PTPN3: variants seen among roughly 807,000 people sequenced by gnomAD.
PTPN3 encodes protein tyrosine phosphatase non-receptor type 3.
Under a neutral mutation model 132.7 loss-of-function variants are expected in PTPN3, and 96 were observed. The observed-to-expected ratio is 0.72, with a 90% CI of 0.61 to 0.86. The LOEUF (loss-of-function observed/expected upper bound fraction) is 0.86, where lower values mean the gene tolerates loss of function less well. Ranked by LOEUF, PTPN3 falls within the 40% of genes least tolerant of loss-of-function variation. The pLI, the probability that PTPN3 is intolerant of heterozygous loss-of-function variation, is 0.00. For synonymous variants in PTPN3, 398 were observed against 429.0 expected (o/e 0.93, Z 0.89); for missense variants, 1,125 against 1,159.6 (o/e 0.97, Z 0.43).
intron 1 of PTPN3, among the ~76,000 whole-genome samples, chr9:109,477,937 C>G (rs1372206618): frequency 6.6e-6 from 1 of 152,216 alleles, no homozygotes; most frequent in East Asian, 1.9e-4. Flanking sequence ...TGCACTGGCT[C>G]TGAGCCAAGG....
chr9:109,473,152 T>C (rs988936465), intron 1 of PTPN3, among the ~76,000 whole-genome samples: 2 of 152,232 alleles, frequency 1.3e-5, no homozygotes, highest in Non-Finnish European at 2.9e-5. Flanking sequence ...GTCACTTTAA[T>C]AATACAGCAC....
chr9:109,519,517 T>C, the PTPN3 span, among the ~76,000 whole-genome samples: 1 of 152,320 alleles, frequency 6.6e-6, no homozygotes, highest in East Asian at 1.9e-4. Flanking sequence ...CTTATCAGCC[T>C]TGTTTGAAGA....
intron 1 of PTPN3, among the ~76,000 whole-genome samples, chr9:109,488,449 A>G (rs927016096): frequency 2.6e-5 from 4 of 152,076 alleles, no homozygotes; most frequent in Non-Finnish European, 5.9e-5. Flanking sequence ...TAACCAGAAA[A>G]TCTTTCCAAC....
intron 1 of PTPN3, among the ~76,000 whole-genome samples, chr9:109,473,079 G>T (rs1846457655): frequency 6.6e-6 from 1 of 152,158 alleles, no homozygotes; most frequent in South Asian, 2.1e-4. Context: ...AATGATTTAT[G>T]AACATATTTA....
chr9:109,448,718 T>A (rs1845024064), intron 6 of PTPN3, 93 bp downstream of exon 6: 2 of 1,260,024 alleles, frequency 1.6e-6, no homozygotes, highest in South Asian at 2.6e-5. Flanking sequence ...TCTGTTTAGA[T>A]TTGATATTGT....
At chr9:109,515,224 C>T in the PTPN3 span, among the ~76,000 whole-genome samples, 1 of 152,094 alleles carries the variant, frequency 6.6e-6, no homozygotes, top group East Asian at 1.9e-4. Flanking sequence ...GGGGTTTCAC[C>T]ATGTTGCCCA....
intron 7 of PTPN3, among the ~76,000 whole-genome samples, chr9:109,444,250 G>A (rs1030269701): frequency 4.6e-5 from 7 of 152,266 alleles, no homozygotes; most frequent in Admixed American, 3.3e-4. Context: ...GAACTGTACT[G>A]CCACCACAAA....
intron 14 of PTPN3, among the ~76,000 whole-genome samples, chr9:109,413,881 C>T (rs1452621762): frequency 3.3e-5 from 5 of 152,136 alleles, no homozygotes; most frequent in Non-Finnish European, 7.4e-5. Context: ...GAGACACTCC[C>T]GCACGAAGCT....
chr9:109,522,095 G>C, the PTPN3 span, among the ~76,000 whole-genome samples: 5 of 152,286 alleles, frequency 3.3e-5, no homozygotes, highest in South Asian at 1.0e-3. Flanking sequence ...AGGTGTCTTA[G>C]GTTCTTGTGA....
chr9:109,407,281 G>A (rs1180915181), intron 17 of PTPN3, among the ~76,000 whole-genome samples: 1 of 152,154 alleles, frequency 6.6e-6, no homozygotes, highest in East Asian at 1.9e-4. Context: ...CAGCGACTTG[G>A]GAGGCAGAGG....
At chr9:109,423,735 T>C (rs1376033073) in intron 12 of PTPN3, among the ~76,000 whole-genome samples, 1 of 152,180 alleles carries the variant, frequency 6.6e-6, no homozygotes, top group Admixed American at 6.5e-5. Context: ...AGAGAATGAA[T>C]TATTTGAGAG....
chr9:109,401,487 T>G (rs146150928), intron 19 of PTPN3, among the ~76,000 whole-genome samples: 44 of 152,326 alleles, frequency 2.9e-4, no homozygotes, highest in Non-Finnish European at 4.6e-4. Flanking sequence ...TTTGAAAACT[T>G]TTTAAAAAGT....
intron 25 of PTPN3, among the ~76,000 whole-genome samples, chr9:109,381,346 AG>A (rs1404973930): frequency 6.6e-6 from 1 of 152,196 alleles, no homozygotes; most frequent in Non-Finnish European, 1.5e-5. Flanking sequence ...CTGAGCCAAA[AG>A]GAGTACCCAG....
intron 1 of PTPN3, among the ~76,000 whole-genome samples, chr9:109,490,527 C>T (rs1028105120): frequency 3.3e-5 from 5 of 152,132 alleles, no homozygotes; most frequent in East Asian, 1.9e-4. Flanking sequence ...CACCTGAGGT[C>T]GGGAGTTGGA....
chr9:109,486,971 C>T (rs1446888610), intron 1 of PTPN3, among the ~76,000 whole-genome samples: 1 of 152,158 alleles, frequency 6.6e-6, no homozygotes. Context: ...CAAGGCCTCC[C>T]CAGCCTTGCG....
chr9:109,425,684 G>A (rs896433868), intron 12 of PTPN3, among the ~76,000 whole-genome samples: 1 of 150,132 alleles, frequency 6.7e-6, no homozygotes, highest in South Asian at 2.1e-4. Context: ...CTGGGCGACA[G>A]AGTGAGACTT....
chr9:109,422,706 A>T lies in PTPN3; in HGVS notation c.1136+12T>A, dbSNP rs1233273148. Reference sequence around the variant, plus strand: ...GTTGGGTAGTACAAAAAAAAAAAAAAGGAGGACATACCAGTTGGGAGTAAT... The same window carrying T: ...GTTGGGTAGTACAAAAAAAAAAAAATGGAGGACATACCAGTTGGGAGTAAT... On this transcript the variant is annotated intron_variant, in intron 13 of 25. Coordinates refer to ENST00000374541, the MANE Select transcript of PTPN3 (RefSeq NM_002829.4). The T allele has an allele frequency of 1.9e-6, 3 of 1,573,354 alleles. No individual in the cohort carries two copies. The African/African-American group carries it at 4.2e-5, about 22-fold the overall frequency.
chr9:109,417,469 T>A lies in PTPN3; in HGVS notation c.1313+2955A>T, dbSNP rs771115501. ...TTTTTGCCTCTTAACACAAATCTGC[T>A]GTATAAAACATGTCAAATATTTTGT... On this transcript the variant is annotated intron_variant, in intron 14 of 25. Transcript: ENST00000374541. The A allele has an allele frequency of 1.5e-3, 888 of 575,346 alleles. 1 individual carries two copies. The highest frequency in any genetic ancestry group is 1.8e-3 in the Non-Finnish European group (826 of 455,074). 35.6% of individuals were successfully genotyped at this position (575,346 alleles called of 1,614,324 possible).
intron 19 of PTPN3, among the ~76,000 whole-genome samples, chr9:109,396,109 G>C (rs1188470532): frequency 6.6e-6 from 1 of 152,084 alleles, no homozygotes; most frequent in Non-Finnish European, 1.5e-5. Context: ...CAAGCCACCC[G>C]TCTTGGCCTC....
Sources: gnomAD v4.1 joint callset for allele counts (sites outside exome capture counted in the v4.1 genomes callset) on GRCh38, gnomAD v4.1.1 for gene constraint, MANE v1.5 for transcripts, NCBI Gene and HGNC (gene_info 2026-07-23, HGNC 2026-07-21) for gene names.